OR6N1: variants seen among roughly 807,000 people sequenced by gnomAD.
OR6N1 encodes olfactory receptor 6N1.
For synonymous variants in OR6N1, 170 were observed against 150.7 expected (o/e 1.13, Z -0.94); for missense variants, 394 against 371.7 (o/e 1.06, Z -0.49).
At chr1:158,781,247 A>G in the OR6N1 span, 1 of 152,234 alleles carries the variant, frequency 6.6e-6, no homozygotes, top group African/African-American at 2.4e-5. Context: ...AACTGGATCT[A>G]TAAGCCTTTT....
chr1:158,799,316 T>C, the OR6N1 span, among the ~76,000 whole-genome samples: 1 of 152,140 alleles, frequency 6.6e-6, no homozygotes, highest in Non-Finnish European at 1.5e-5. Context: ...TTAATAAACA[T>C]AGACAAAAAA....
At chr1:158,785,247 T>C in the OR6N1 span, among the ~76,000 whole-genome samples, 859 of 152,358 alleles carry the variant, frequency 5.6e-3, 5 homozygotes, top group African/African-American at 0.019. Context: ...GTGCTTTCAT[T>C]AGAGTTCATC....
chr1:158,791,555 C>T, the OR6N1 span, among the ~76,000 whole-genome samples: 16 of 151,376 alleles, frequency 1.1e-4, no homozygotes, highest in South Asian at 8.4e-4. Context: ...CTGCAAGCTC[C>T]GAGTCCTGGG....
chr1:158,775,558 T>A (rs1292189266), upstream of OR6N1: 1 of 152,204 alleles, frequency 6.6e-6, no homozygotes, highest in Admixed American at 6.5e-5. Context: ...TATATACAAT[T>A]CAGATTTCAA....
chr1:158,794,450 C>G, the OR6N1 span, among the ~76,000 whole-genome samples: 1 of 152,156 alleles, frequency 6.6e-6, no homozygotes, highest in African/African-American at 2.4e-5. Flanking sequence ...CAGACTACTA[C>G]GAATCCTGCT....
At chr1:158,773,121 C>T (rs1181092384), upstream of OR6N1, among the ~76,000 whole-genome samples, 3 of 151,906 alleles carry the variant, frequency 2.0e-5, no homozygotes, top group Non-Finnish European at 4.4e-5. Flanking sequence ...CCCACACTTT[C>T]AATATTCTTC....
the OR6N1 span, among the ~76,000 whole-genome samples, chr1:158,827,974 G>A: frequency 6.6e-6 from 1 of 152,184 alleles, no homozygotes; most frequent in African/African-American, 2.4e-5. Flanking sequence ...AGCAGGCAAA[G>A]AGAGAGCTTA....
At chr1:158,795,551 AG>A in the OR6N1 span, among the ~76,000 whole-genome samples, 7 of 152,158 alleles carry the variant, frequency 4.6e-5, no homozygotes, top group African/African-American at 1.7e-4. Flanking sequence ...GTCCCTTGTG[AG>A]GTAGGATCAG....
the OR6N1 span, among the ~76,000 whole-genome samples, chr1:158,799,436 G>A: frequency 1.3e-5 from 2 of 152,286 alleles, no homozygotes; most frequent in South Asian, 4.1e-4. Context: ...GTCATATGTA[G>A]GCTGACTTGT....
At chr1:158,776,663 A>G (rs1168506956), upstream of OR6N1, 1 of 1,449,430 alleles carries the variant, frequency 6.9e-7, no homozygotes, top group African/African-American at 1.4e-5. Flanking sequence ...TTGAGGTGAG[A>G]AAGGACATGG....
chr1:158,766,667 AGTTCCC>A lies in OR6N1; in HGVS notation c.10_15del (p.Gly4_Asn5del). On this transcript the variant is annotated inframe_deletion, in exon 2 of 2. Coordinates refer to ENST00000641846, the MANE Select transcript of OR6N1 (RefSeq NM_001005185.2). ...ATGATGAATTCTGCTACCTGGCTCCAGTTCCCTGTGTCCATTGCTCACCATTCATGT... is the reference window on the plus strand; with the variant it reads ...ATGATGAATTCTGCTACCTGGCTCCATGTGTCCATTGCTCACCATTCATGT... 1 of 1,610,448 alleles carries A rather than the reference AGTTCCC, an allele frequency of 6.2e-7. No homozygotes were observed. The highest frequency in any genetic ancestry group is 8.5e-7 in the Non-Finnish European group (1 of 1,178,942).
chr1:158,777,674 A>T, the OR6N1 span: 1 of 1,358,326 alleles, frequency 7.4e-7, no homozygotes, highest in Non-Finnish European at 1.0e-6. Context: ...AAAACATTGG[A>T]TTGAGATGAC....
chr1:158,790,466 G>T, the OR6N1 span, among the ~76,000 whole-genome samples: 2 of 150,094 alleles, frequency 1.3e-5, no homozygotes, highest in Non-Finnish European at 3.0e-5. Context: ...GTGCAGTGGC[G>T]CAATCTCGGC....
chr1:158,788,505 TGTACA>T, the OR6N1 span, among the ~76,000 whole-genome samples: 1 of 152,242 alleles, frequency 6.6e-6, no homozygotes, highest in East Asian at 1.9e-4. Flanking sequence ...TAGTATATCC[TGTACA>T]GTATATATTT....
At chr1:158,792,436 T>C in the OR6N1 span, among the ~76,000 whole-genome samples, 1 of 152,218 alleles carries the variant, frequency 6.6e-6, no homozygotes, top group African/African-American at 2.4e-5. Flanking sequence ...CCAGGCATCA[T>C]GCTGTTACCT....
chr1:158,820,079 G>A, the OR6N1 span, among the ~76,000 whole-genome samples: 7 of 152,232 alleles, frequency 4.6e-5, no homozygotes, highest in Non-Finnish European at 4.4e-5. Context: ...TAAAGGGATT[G>A]GCTGAAATAA....
the OR6N1 span, among the ~76,000 whole-genome samples, chr1:158,806,937 T>C: frequency 1.5e-5 from 2 of 137,318 alleles, no homozygotes; most frequent in African/African-American, 2.8e-5. Flanking sequence ...CGGGAGGCAG[T>C]GGTTGCAGTG....
the OR6N1 span, among the ~76,000 whole-genome samples, chr1:158,782,550 T>C: frequency 0.17 from 25,919 of 152,154 alleles, 2,333 homozygotes; most frequent in South Asian, 0.39. Context: ...GAGTGTTAGA[T>C]AGAAATTATT....
At chr1:158,812,145 TAC>T in the OR6N1 span, among the ~76,000 whole-genome samples, 3 of 152,234 alleles carry the variant, frequency 2.0e-5, no homozygotes, top group Non-Finnish European at 4.4e-5. Context: ...CATATTCTGA[TAC>T]AGACTTCCCC....
Sources: gnomAD v4.1 joint callset for allele counts (sites outside exome capture counted in the v4.1 genomes callset) on GRCh38, gnomAD v4.1.1 for gene constraint, MANE v1.5 for transcripts, NCBI Gene and HGNC (gene_info 2026-07-23, HGNC 2026-07-21) for gene names.